Variants in ATXN2 observed in about 807,000 individuals in gnomAD.
ATXN2 encodes ataxin-2.
ATXN2 carries 37 observed loss-of-function variants against 138.6 expected under a neutral mutation model. The observed-to-expected ratio is 0.27, with a 90% confidence interval of 0.21 to 0.35. The LOEUF is 0.35. Among genes scored for constraint, ATXN2 ranks in the 10% least tolerant of loss-of-function variants. The pLI, the probability that ATXN2 is intolerant of heterozygous loss-of-function variation, is 1.00. For synonymous variants in ATXN2, 549 were observed against 543.7 expected (o/e 1.01, Z -0.13); for missense variants, 1,216 against 1,480.3 (o/e 0.82, Z 2.93).
chr12:111,580,601 A>C (rs1383142084), intron 1 of ATXN2, among the ~76,000 whole-genome samples: 1 of 137,014 alleles, frequency 7.3e-6, no homozygotes, highest in East Asian at 2.5e-4. Context: ...CAGGAGTTCA[A>C]GGTCAGCCTC....
chr12:111,467,314 T>A, intron 20 of ATXN2, among the ~76,000 whole-genome samples: 1 of 133,426 alleles, frequency 7.5e-6, no homozygotes, highest in East Asian at 2.2e-4. Flanking sequence ...GGGCTTTTTT[T>A]TTTTTTTTTT....
intron 5 of ATXN2, among the ~76,000 whole-genome samples, chr12:111,551,575 C>T (rs931478544): frequency 6.6e-6 from 1 of 152,066 alleles, no homozygotes; most frequent in African/African-American, 2.4e-5. Flanking sequence ...TTCTACCAAC[C>T]GTTCTCTACC....
chr12:111,550,670 G>T (rs1025040929), intron 5 of ATXN2, among the ~76,000 whole-genome samples: 1 of 152,134 alleles, frequency 6.6e-6, no homozygotes, highest in African/African-American at 2.4e-5. Flanking sequence ...GGATGCTGAA[G>T]GCCTCTTAAG....
In ATXN2 at chr12:111,525,417, G is replaced by C; in HGVS notation, c.572-101C>G. ...AAGACATATGTTAAAAAACAATTAC[G>C]AAAAATGAATTTCACATAATTGTTT... is the stretch of plus-strand genomic sequence containing the variant. On this transcript the variant is annotated intron_variant, in intron 5 of 24. Coordinates refer to ENST00000673436, the MANE Select transcript of ATXN2 (RefSeq NM_001372574.1). The C allele has an allele frequency of 4.1e-6, 5 of 1,231,772 alleles. No homozygotes were observed. The South Asian group carries it at 8.9e-5, about 22-fold the overall frequency. 76.3% of individuals were successfully genotyped at this position (1,231,772 alleles called of 1,614,324 possible).
chr12:111,513,294 G>C, intron 11 of ATXN2, 63 bp downstream of exon 11: 1 of 1,547,992 alleles, frequency 6.5e-7, no homozygotes, highest in East Asian at 2.3e-5. Context: ...TTGTAGCTCA[G>C]CCCTCTTTAT....
At chr12:111,569,264 T>A (rs1418984561) in intron 1 of ATXN2, among the ~76,000 whole-genome samples, 2 of 152,188 alleles carry the variant, frequency 1.3e-5, no homozygotes, top group Admixed American at 6.5e-5. Flanking sequence ...ATGAAAATAG[T>A]ACCTTCTCAA....
chr12:111,574,727 T>C (rs1235585712), intron 1 of ATXN2, among the ~76,000 whole-genome samples: 1 of 152,116 alleles, frequency 6.6e-6, no homozygotes, highest in Non-Finnish European at 1.5e-5. Context: ...CCAGCCAAAA[T>C]TCCTCATTTT....
At chr12:111,532,466 G>A (rs1032033156) in intron 5 of ATXN2, among the ~76,000 whole-genome samples, 4 of 152,234 alleles carry the variant, frequency 2.6e-5, no homozygotes, top group Non-Finnish European at 2.9e-5. Context: ...GAGACAGAGC[G>A]AGACTCCATC....
intron 1 of ATXN2, among the ~76,000 whole-genome samples, chr12:111,571,898 G>C (rs904415411): frequency 1.3e-5 from 2 of 151,304 alleles, no homozygotes; most frequent in African/African-American, 4.9e-5. Context: ...TGTAATCCCA[G>C]TTACTCGGGA....
chr12:111,553,604 A>AAAATTTTTTTTTT lies in ATXN2; in HGVS notation c.348+553_348+554insAAAAAAAAAATTT, dbSNP rs1882237738. On this transcript the variant is annotated intron_variant, in intron 3 of 24. Transcript: ENST00000673436. ...AAAAAAAAAAAAAAAAAAAAAAAAA[A>AAAATTTTTTTTTT]TTTTTTTTTTTGAGAAGGGGTCTGT... 2.1e-3 allele frequency among the ~76,000 whole-genome samples: 179 copies of AAAATTTTTTTTTT among 84,980 alleles called. 1 individual carries two copies. Among genetic ancestry groups the AAAATTTTTTTTTT allele is most frequent in the South Asian group, 3.2e-3 (5 of 1,564 alleles). 55.8% of individuals were successfully genotyped at this position (84,980 alleles called of 152,430 possible).
chr12:111,588,584 T>C (rs373351464), intron 1 of ATXN2, among the ~76,000 whole-genome samples: 5 of 149,764 alleles, frequency 3.3e-5, no homozygotes, highest in East Asian at 2.0e-4. Context: ...ATCGCACCAC[T>C]GCACTCCAGC....
chr12:111,576,790 T>C (rs1368916651), intron 1 of ATXN2, among the ~76,000 whole-genome samples: 1 of 149,682 alleles, frequency 6.7e-6, no homozygotes, highest in African/African-American at 2.5e-5. Flanking sequence ...AAACCCCATC[T>C]CTACTAAAAA....
chr12:111,512,805 A>G (rs985241081), intron 11 of ATXN2: 1 of 152,360 alleles, frequency 6.6e-6, no homozygotes, highest in Non-Finnish European at 1.5e-5. Context: ...TATGCTAATC[A>G]CAAATAAAAC....
intron 5 of ATXN2, among the ~76,000 whole-genome samples, chr12:111,534,319 T>C (rs1881017024): frequency 1.3e-5 from 2 of 151,940 alleles, no homozygotes; most frequent in South Asian, 4.2e-4. Context: ...GAGAATCACT[T>C]GAGCCTGGGA....
chr12:111,519,391 T>C (rs1566038772), intron 8 of ATXN2, among the ~76,000 whole-genome samples: 1 of 152,210 alleles, frequency 6.6e-6, no homozygotes, highest in Non-Finnish European at 1.5e-5. Context: ...CTCATAGCCA[T>C]GCTTGTACAT....
intron 5 of ATXN2, among the ~76,000 whole-genome samples, chr12:111,528,576 T>TA (rs1555236232): frequency 3.3e-5 from 5 of 151,966 alleles, no homozygotes; most frequent in African/African-American, 4.8e-5. Context: ...AAACTTTTTT[T>TA]AAAAAAAAGT....
chr12:111,559,777 C>T (rs12299482), intron 1 of ATXN2, among the ~76,000 whole-genome samples: 4 of 76,004 alleles, frequency 5.3e-5, no homozygotes, highest in Non-Finnish European at 9.9e-5. Flanking sequence ...TCTCAAAAAA[C>T]AAAAAAAAAA....
chr12:111,525,104 C>A (rs1032978669), intron 6 of ATXN2, 88 bp downstream of exon 6: 1 of 1,479,850 alleles, frequency 6.8e-7, no homozygotes, highest in Non-Finnish European at 9.0e-7. Flanking sequence ...ACAATAACAA[C>A]AACAACAAAA....
Position 111,536,017 on chromosome 12 carries a change from C to A in ATXN2, c.572-10701G>T, listed in dbSNP as rs182252328. On this transcript the variant is annotated intron_variant, in intron 5 of 24. Transcript: ENST00000673436. The stretch of plus-strand genomic sequence containing the variant: ...TCCGTCTCAAAAAAAAAAAAAAAAA[C>A]ATTGGGAAATAATGAGAGATAAGGT... Among the ~76,000 whole-genome samples the A allele has an allele frequency of 5.7e-3, 803 of 141,186 alleles. 18 individuals are homozygous for A. Among genetic ancestry groups the A allele is most frequent in the African/African-American group, 0.021 (735 of 34,428 alleles). The allele number at this position is 141,186 out of a possible 152,430, so 92.6% of individuals were successfully genotyped here.
Sources: allele counts gnomAD v4.1 joint callset (sites outside exome capture counted in the v4.1 genomes callset), GRCh38; gene constraint gnomAD v4.1.1; transcripts MANE v1.5; gene names NCBI Gene and HGNC (gene_info 2026-07-23, HGNC 2026-07-21).